Variants in SND1 observed in about 807,000 individuals in gnomAD.
The protein encoded by SND1 is staphylococcal nuclease and tudor domain containing 1.
Under a neutral mutation model 121.7 loss-of-function variants are expected in SND1, and 38 were observed. The ratio of observed to expected loss-of-function variants is 0.31; its 90% CI spans 0.24 to 0.41. The LOEUF (loss-of-function observed/expected upper bound fraction) is 0.41. Among genes scored for constraint, SND1 ranks in the 10% least tolerant of loss-of-function variants. The probability of loss-of-function intolerance (pLI) is 1.00; values close to 1 mark genes in which losing one functional copy is unlikely to be tolerated. For synonymous variants in SND1, 401 were observed against 447.4 expected, an observed-to-expected ratio of 0.90 and a Z score of 1.31; for missense variants, 868 against 1,184.6, an observed-to-expected ratio of 0.73 and a Z score of 3.92.
At chr7:127,817,428 T>C (rs533076086) in intron 11 of SND1, among the ~76,000 whole-genome samples, 1 of 152,310 alleles carries the variant, frequency 6.6e-6, no homozygotes, top group East Asian at 1.9e-4. Context: ...TTCTTCTGTC[T>C]ATGCCATCTT....
intron 13 of SND1, among the ~76,000 whole-genome samples, chr7:127,888,297 T>G (rs1163134878): frequency 6.6e-6 from 1 of 152,100 alleles, no homozygotes; most frequent in Non-Finnish European, 1.5e-5. Flanking sequence ...ATGAGTGCTC[T>G]ATAGGAGATA....
chr7:128,071,901 A>T (rs371226329), intron 16 of SND1, among the ~76,000 whole-genome samples: 16 of 152,332 alleles, frequency 1.1e-4, no homozygotes, highest in African/African-American at 3.8e-4. Context: ...GATTTCTTTC[A>T]TCTGCGGCTG....
At chr7:128,014,760 GAA>G (rs1447659052) in intron 16 of SND1, among the ~76,000 whole-genome samples, 2 of 152,196 alleles carry the variant, frequency 1.3e-5, no homozygotes, top group African/African-American at 4.8e-5. Flanking sequence ...TTGTGAGAGA[GAA>G]CAGTCCACAG....
At chr7:128,044,345 TAAAG>T (rs547405682) in intron 16 of SND1, among the ~76,000 whole-genome samples, 126 of 152,296 alleles carry the variant, frequency 8.3e-4, no homozygotes, top group Admixed American at 3.9e-3. Context: ...GGCAGACTCC[TAAAG>T]AATCAGGCTT....
chr7:127,863,892 A>G (rs998980120), intron 12 of SND1, among the ~76,000 whole-genome samples: 2 of 152,166 alleles, frequency 1.3e-5, no homozygotes, highest in Admixed American at 1.3e-4. Context: ...ACTGGAGAAG[A>G]GTTTGCCTGC....
intron 22 of SND1, among the ~76,000 whole-genome samples, chr7:128,090,580 T>C (rs2117072718): frequency 6.6e-6 from 1 of 152,336 alleles, no homozygotes; most frequent in African/African-American, 2.4e-5. Context: ...AGCTTCTCCC[T>C]ATGTTCCTTC....
intron 10 of SND1, among the ~76,000 whole-genome samples, chr7:127,754,721 A>G (rs979442852): frequency 2.6e-5 from 4 of 152,242 alleles, no homozygotes; most frequent in African/African-American, 9.6e-5. Flanking sequence ...ATTCTCTCCC[A>G]GAGAGGGACA....
intron 14 of SND1, among the ~76,000 whole-genome samples, chr7:127,915,996 A>ATG (rs57570326): frequency 0.068 from 10,173 of 149,054 alleles, 422 homozygotes; most frequent in Admixed American, 0.14. Context: ...AGAACAGCAT[A>ATG]TGTGTGTGTG....
rs868577050 is a variant in SND1 at position 128,015,911 on chromosome 7, C to T, written c.1779+24855C>T. Among the ~76,000 whole-genome samples, 5 of 152,182 alleles carry T rather than the reference C, an allele frequency of 3.3e-5. No homozygotes were observed. The highest frequency in any genetic ancestry group is 2.0e-4 in the Admixed American group (3 of 15,282). ...GCAGCAGCCTACCATGCTGCCCCTT[C>T]CACTTTAGATAGGGCCATGCAATGT... On this transcript the variant is annotated intron_variant, in intron 16 of 23. Coordinates refer to ENST00000354725, the MANE Select transcript of SND1 (RefSeq NM_014390.4). The surrounding 1 kb of genome is among the most constrained non-coding windows in gnomAD (Gnocchi z 4.5).
intron 16 of SND1, chr7:128,042,394 C>G (rs1257317691): frequency 6.6e-6 from 1 of 152,266 alleles, no homozygotes; most frequent in African/African-American, 2.4e-5. Flanking sequence ...GCCCTGGCTT[C>G]TGGCAGTCAG....
intron 16 of SND1, among the ~76,000 whole-genome samples, chr7:128,016,479 C>G (rs1322734565): frequency 1.3e-5 from 2 of 152,134 alleles, no homozygotes; most frequent in Non-Finnish European, 2.9e-5. Context: ...GAATTTGAAA[C>G]CAGTCGTTTG....
intron 1 of SND1, among the ~76,000 whole-genome samples, chr7:127,656,017 C>A (rs919433286): frequency 2.6e-5 from 4 of 152,178 alleles, no homozygotes; most frequent in African/African-American, 9.7e-5. Flanking sequence ...TTACCCTCCC[C>A]TCACCCACTT....
At chr7:127,682,961 CAT>C (rs1250358456) in intron 1 of SND1, among the ~76,000 whole-genome samples, 3 of 152,210 alleles carry the variant, frequency 2.0e-5, no homozygotes, top group African/African-American at 7.2e-5. Flanking sequence ...TGCCATATGA[CAT>C]ATAAATTGTT....
intron 16 of SND1, among the ~76,000 whole-genome samples, chr7:128,033,862 T>C (rs1792698799): frequency 6.6e-6 from 1 of 152,230 alleles, no homozygotes; most frequent in South Asian, 2.1e-4. Context: ...AGTATTCTCC[T>C]AGTGGGATGA....
chr7:127,686,794 T>C (rs371879210), intron 2 of SND1, 32 bp downstream of exon 2: 7 of 1,597,386 alleles, frequency 4.4e-6, no homozygotes, highest in Admixed American at 1.7e-5. Flanking sequence ...CGTGAGCCTG[T>C]GGACCTAGGT....
chr7:127,785,105 C>T (rs1441100921), intron 10 of SND1, among the ~76,000 whole-genome samples: 1 of 152,106 alleles, frequency 6.6e-6, no homozygotes, highest in Non-Finnish European at 1.5e-5. Flanking sequence ...GATGATATCT[C>T]ACTATGCTGC....
At chr7:127,863,562 A>G (rs1799416648) in intron 12 of SND1, among the ~76,000 whole-genome samples, 1 of 152,350 alleles carries the variant, frequency 6.6e-6, no homozygotes, top group African/African-American at 2.4e-5. Flanking sequence ...AACCAGTGCT[A>G]TATGAATGTC....
intron 15 of SND1, among the ~76,000 whole-genome samples, chr7:127,936,374 C>T (rs1801063417): frequency 6.6e-6 from 1 of 152,110 alleles, no homozygotes; most frequent in Non-Finnish European, 1.5e-5. Flanking sequence ...CTTTAGTGAG[C>T]CCCACACGTT....
chr7:127,685,182 TTG>T (rs1795791248), intron 1 of SND1, among the ~76,000 whole-genome samples: 1 of 152,202 alleles, frequency 6.6e-6, no homozygotes, highest in Admixed American at 6.5e-5. Context: ...TTAAATTCAT[TTG>T]TGTATTTATA....
Sources: allele counts gnomAD v4.1 joint callset (sites outside exome capture counted in the v4.1 genomes callset), GRCh38; gene constraint gnomAD v4.1.1; non-coding constraint Gnocchi (gnomAD v3.1); transcripts MANE v1.5; gene names NCBI Gene and HGNC (gene_info 2026-07-23, HGNC 2026-07-21).